SH2D4A: variants seen among roughly 807,000 people sequenced by gnomAD.
SH2D4A encodes the protein SH2 domain-containing protein 4A.
In SH2D4A, 70 loss-of-function variants were observed where a neutral mutation model predicts 64.7. That is an observed-to-expected ratio of 1.08 (90% CI 0.89 to 1.32). The LOEUF is 1.32. Ranked by LOEUF, SH2D4A falls within the 40% of genes most tolerant of loss-of-function variation. The probability of loss-of-function intolerance (pLI) is 0.00; values close to 1 mark genes in which losing one functional copy is unlikely to be tolerated. For synonymous variants in SH2D4A, 268 were observed against 200.7 expected, an observed-to-expected ratio of 1.34 and a Z score of -2.83; for missense variants, 706 against 540.1, an observed-to-expected ratio of 1.31 and a Z score of -3.04.
At chr8:19,365,543 G>A (rs1351059368) in intron 7 of SH2D4A, among the ~76,000 whole-genome samples, 6 of 152,176 alleles carry the variant, frequency 3.9e-5, no homozygotes, top group Admixed American at 2.6e-4. Flanking sequence ...CCTGTTCACC[G>A]TCTCTTCCAA....
chr8:19,338,685 G>A (rs1035698419), intron 4 of SH2D4A, among the ~76,000 whole-genome samples: 2 of 152,206 alleles, frequency 1.3e-5, no homozygotes, highest in African/African-American at 4.8e-5. Context: ...TAAGTCTATG[G>A]AAGTCACGCA....
At chr8:19,335,403 G>A (rs1418694836) in intron 4 of SH2D4A, among the ~76,000 whole-genome samples, 1 of 152,152 alleles carries the variant, frequency 6.6e-6, no homozygotes, top group Non-Finnish European at 1.5e-5. Flanking sequence ...TAACAAGAAC[G>A]CTAGGAATGC....
chr8:19,364,108 C>T lies in SH2D4A; in HGVS notation c.743C>T (p.Ser248Phe), dbSNP rs1181075187. ...KSKAADEKRR[S>F]LAKQAREDYK... ...AAAGCAGCTGATGAGAAGAGACGCT[C>T]CTTGGCTAAACAAGCACGAGAAGAC... The change falls in exon 7 of 10, where the codon TCC (serine) becomes TTC (phenylalanine). Residue 248 changes from serine (S) to phenylalanine (F), a missense_variant. Coordinates refer to ENST00000265807, the MANE Select transcript of SH2D4A (RefSeq NM_022071.4). 1 of 1,613,872 alleles carries T rather than the reference C, an allele frequency of 6.2e-7. No individual in the cohort carries two copies. The highest frequency in any genetic ancestry group is 8.5e-7 in the Non-Finnish European group (1 of 1,179,958).
intron 8 of SH2D4A, among the ~76,000 whole-genome samples, chr8:19,381,801 G>A (rs2053297540): frequency 6.6e-6 from 1 of 152,086 alleles, no homozygotes; most frequent in South Asian, 2.1e-4. Flanking sequence ...CCTTTACTAT[G>A]TTGAGGGACT....
chr8:19,319,399 T>C lies in SH2D4A; in HGVS notation c.-149T>C. 7.7e-7 allele frequency: 1 copy of C among 1,292,310 alleles called. No individual in the cohort carries two copies. The highest frequency in any genetic ancestry group is 3.1e-5 in the East Asian group (1 of 32,628). 80.1% of individuals were successfully genotyped at this position (1,292,310 alleles called of 1,614,324 possible). A position where few individuals can be genotyped will look rare whatever the true frequency, so the allele number is the denominator to read the frequency against. On this transcript the variant is annotated 5_prime_UTR_variant, in exon 2 of 10. Transcript: ENST00000265807. ...TTGGTGCCAGGTCTGAGTAGCCAGTTTGCTGAATTATTGTCCCAGTCAGCC... is the reference window on the plus strand; with the variant it reads ...TTGGTGCCAGGTCTGAGTAGCCAGTCTGCTGAATTATTGTCCCAGTCAGCC...
intron 7 of SH2D4A, among the ~76,000 whole-genome samples, chr8:19,367,585 G>A (rs1012983102): frequency 5.9e-5 from 9 of 151,990 alleles, no homozygotes; most frequent in African/African-American, 2.2e-4. Flanking sequence ...TGGATTATTT[G>A]TTTTTTTGCT....
chr8:19,383,390 T>G (rs1269651936), intron 8 of SH2D4A, among the ~76,000 whole-genome samples: 1 of 151,284 alleles, frequency 6.6e-6, no homozygotes, highest in Non-Finnish European at 1.5e-5. Context: ...GGATTTGTTC[T>G]TGGTTTTTTT....
At chr8:19,328,603 A>T (rs2052321417) in intron 2 of SH2D4A, among the ~76,000 whole-genome samples, 1 of 152,000 alleles carries the variant, frequency 6.6e-6, no homozygotes, top group Non-Finnish European at 1.5e-5. Flanking sequence ...CTCTCCCCAA[A>T]TGCTGACTGA....
Position 19,393,491 on chromosome 8 carries a change from G to A in SH2D4A, c.1222G>A (p.Val408Met), listed in dbSNP as rs142937375. The change falls in exon 9 of 10, where the codon GTG becomes ATG. Residue 408 changes from valine (V) to methionine (M), a missense_variant. Val to Met is a conservative substitution (Grantham distance 21). Coordinates refer to ENST00000265807, the MANE Select transcript of SH2D4A (RefSeq NM_022071.4). ...ASADAYSFLGVDQLQHATLAD... is the reference protein window; with the variant it reads ...ASADAYSFLGMDQLQHATLAD... The stretch of plus-strand genomic sequence containing the variant: ...TGCAGACGCCTACAGCTTCCTGGGC[G>A]TGGACCAGCTACAGCATGCCACCTT... 69 of 1,614,228 alleles carry A rather than the reference G, an allele frequency of 4.3e-5. No homozygotes were observed. The highest frequency in any genetic ancestry group is 8.8e-5 in the South Asian group (8 of 91,084).
chr8:19,381,635 A>T (rs1421325711), intron 8 of SH2D4A, among the ~76,000 whole-genome samples: 3 of 152,184 alleles, frequency 2.0e-5, no homozygotes, highest in African/African-American at 7.2e-5. Context: ...TCTAATTTGA[A>T]TACCTTTTAT....
chr8:19,380,249 A>G (rs1344547506), intron 8 of SH2D4A, among the ~76,000 whole-genome samples: 1 of 152,192 alleles, frequency 6.6e-6, no homozygotes, highest in Non-Finnish European at 1.5e-5. Context: ...AGAGTTTTCT[A>G]TACAGTATAT....
intron 4 of SH2D4A, among the ~76,000 whole-genome samples, chr8:19,350,959 ACT>A (rs1563196741): frequency 6.6e-6 from 1 of 152,124 alleles, no homozygotes; most frequent in African/African-American, 2.4e-5. Flanking sequence ...CAGTAAAATC[ACT>A]CTACAAGGAG....
chr8:19,354,415 C>G (rs1046905671), intron 4 of SH2D4A, among the ~76,000 whole-genome samples: 10 of 152,188 alleles, frequency 6.6e-5, no homozygotes, highest in African/African-American at 2.4e-4. Flanking sequence ...TCTCCAACTA[C>G]CATGAGTGGA....
chr8:19,373,517 T>C lies in SH2D4A; in HGVS notation c.918-13T>C, dbSNP rs2053143705. ...TAGTTAAATCTAACTTGAAAAACTT[T>C]TATAAATAACAGAAATCAGGGAGTG... On this transcript the variant is annotated splice_polypyrimidine_tract_variant and intron_variant, in intron 7 of 9. Transcript: ENST00000265807. 5 of 1,565,240 alleles carry C rather than the reference T, an allele frequency of 3.2e-6. No individual in the cohort carries two copies. Among genetic ancestry groups the C allele is most frequent in the South Asian group, 1.2e-5 (1 of 81,406 alleles).
In SH2D4A at chr8:19,393,353, C is replaced by G. The variant is rs527594733; in HGVS notation, c.1084C>G (p.Leu362Val). 3.1e-6 allele frequency: 5 copies of G among 1,614,104 alleles called. No individual in the cohort carries two copies. In the South Asian group the frequency reaches 4.4e-5, roughly 14 times the overall value. The change falls in exon 9 of 10, where the codon CTG becomes GTG. Residue 362 changes from leucine (L) to valine (V), a missense_variant. Physicochemically the swap from Leu to Val is conservative, Grantham distance 32. Coordinates refer to ENST00000265807, the MANE Select transcript of SH2D4A (RefSeq NM_022071.4). ...ACTCAAGAAAGCAAATGAACTTCTTCTGAGCACAGGCATGCCCGGCAGTTT... is the reference window on the plus strand; with the variant it reads ...ACTCAAGAAAGCAAATGAACTTCTTGTGAGCACAGGCATGCCCGGCAGTTT... ...LTLKKANELLLSTGMPGSFLI... is the reference protein window; with the variant it reads ...LTLKKANELLVSTGMPGSFLI...
intron 4 of SH2D4A, among the ~76,000 whole-genome samples, chr8:19,337,847 G>A (rs2052468792): frequency 6.6e-6 from 1 of 152,086 alleles, no homozygotes; most frequent in Non-Finnish European, 1.5e-5. Flanking sequence ...ACAACACATG[G>A]GAATTGTGGG....
chr8:19,388,086 G>A (rs1003994272), intron 8 of SH2D4A, among the ~76,000 whole-genome samples: 8 of 152,126 alleles, frequency 5.3e-5, no homozygotes, highest in Non-Finnish European at 1.0e-4. Context: ...AAGTTGCCAA[G>A]GTGAGAAATG....
chr8:19,327,734 G>C (rs1313876607), intron 2 of SH2D4A, among the ~76,000 whole-genome samples: 1 of 152,160 alleles, frequency 6.6e-6, no homozygotes, highest in African/African-American at 2.4e-5. Context: ...AGCAGTGGTG[G>C]GAATGTAGCA....
At chr8:19,345,584 C>G (rs932101758) in intron 4 of SH2D4A, among the ~76,000 whole-genome samples, 4 of 152,170 alleles carry the variant, frequency 2.6e-5, no homozygotes, top group African/African-American at 9.7e-5. Context: ...AGTGGCATTC[C>G]TATCCTGAGC....
Sources: gnomAD v4.1 joint callset for allele counts (sites outside exome capture counted in the v4.1 genomes callset) on GRCh38, gnomAD v4.1.1 for gene constraint, MANE v1.5 for transcripts, NCBI Gene and HGNC (gene_info 2026-07-23, HGNC 2026-07-21) for gene names.